Variants in LSAMP observed in about 807,000 individuals in gnomAD.
LSAMP encodes limbic system-associated membrane protein.
In LSAMP, 7 loss-of-function variants were observed where a neutral mutation model predicts 38.6. The ratio of observed to expected loss-of-function variants is 0.18; its 90% CI spans 0.10 to 0.34. The LOEUF is 0.34. Among genes scored for constraint, LSAMP ranks in the 10% least tolerant of loss-of-function variants. The pLI is 1.00. For synonymous variants in LSAMP, 154 were observed against 166.8 expected (o/e 0.92, Z 0.59); for missense variants, 313 against 420.0 (o/e 0.75, Z 2.23).
chr3:116,299,443 C>T lies in LSAMP; in HGVS notation c.155+145434G>A, dbSNP rs60772251. Among the ~76,000 whole-genome samples, 245 of 152,338 alleles carry T rather than the reference C, an allele frequency of 1.6e-3. 1 individual carries two copies. The highest frequency in any genetic ancestry group is 5.6e-3 in the African/African-American group (234 of 41,574). On this transcript the variant is annotated intron_variant, in intron 1 of 6. Coordinates refer to ENST00000490035, the MANE Select transcript of LSAMP (RefSeq NM_002338.5). ...TATCCACTGACTGACTGAGAAAGTA[C>T]ACAATGACAAAAAGTCACTATGCCT...
chr3:115,882,210 A>C (rs1158723691), intron 3 of LSAMP, among the ~76,000 whole-genome samples: 1 of 152,042 alleles, frequency 6.6e-6, no homozygotes, highest in Non-Finnish European at 1.5e-5. Context: ...ACTCCTCAAT[A>C]ACTCACATAC....
chr3:116,434,838 T>C (rs1035104188), intron 1 of LSAMP, among the ~76,000 whole-genome samples: 8 of 152,144 alleles, frequency 5.3e-5, no homozygotes, highest in South Asian at 2.1e-4. Context: ...CGTGAGCCAC[T>C]GCGCTCGGCC....
intron 1 of LSAMP, among the ~76,000 whole-genome samples, chr3:116,322,395 C>A (rs966617819): frequency 4.6e-5 from 7 of 152,154 alleles, no homozygotes; most frequent in Admixed American, 2.6e-4. Flanking sequence ...AGAGACTCAA[C>A]CAGGAACATC....
At chr3:116,247,293 C>T (rs1199885365) in intron 1 of LSAMP, among the ~76,000 whole-genome samples, 1 of 152,176 alleles carries the variant, frequency 6.6e-6, no homozygotes, top group African/African-American at 2.4e-5. Context: ...GAACTCACTA[C>T]TGTACTCTAT....
intron 3 of LSAMP, among the ~76,000 whole-genome samples, chr3:116,015,762 AT>A (rs536507930): frequency 1.4e-4 from 22 of 151,760 alleles, no homozygotes; most frequent in Admixed American, 4.6e-4. Context: ...GCCTTACCCA[AT>A]TTTTTTTAAA....
intron 1 of LSAMP, among the ~76,000 whole-genome samples, chr3:116,332,430 C>T (rs2047863745): frequency 6.6e-6 from 1 of 151,904 alleles, no homozygotes; most frequent in Admixed American, 6.6e-5. Context: ...AATTAGAGTG[C>T]TACAATTTTA....
intron 3 of LSAMP, among the ~76,000 whole-genome samples, chr3:115,936,637 A>G (rs749930764): frequency 6.6e-6 from 1 of 152,196 alleles, no homozygotes; most frequent in Non-Finnish European, 1.5e-5. Context: ...AGAAGTAGCA[A>G]TCTAAAAAAA....
At chr3:116,158,959 T>C (rs1709821187) in intron 1 of LSAMP, among the ~76,000 whole-genome samples, 1 of 151,654 alleles carries the variant, frequency 6.6e-6, no homozygotes, top group Admixed American at 6.6e-5. Context: ...AAAACAAAGC[T>C]GGAGGCATCA....
chr3:115,903,456 T>C (rs1244227494), intron 3 of LSAMP, among the ~76,000 whole-genome samples: 1 of 152,120 alleles, frequency 6.6e-6, no homozygotes. Context: ...TTTACCTATA[T>C]AAAAAACCTG....
chr3:116,245,429 C>T (rs2046592766), intron 1 of LSAMP, among the ~76,000 whole-genome samples: 1 of 152,180 alleles, frequency 6.6e-6, no homozygotes. Context: ...TCTCTATTTT[C>T]TTATTGCCCA....
At chr3:116,259,177 T>C (rs1332450061) in intron 1 of LSAMP, among the ~76,000 whole-genome samples, 2 of 152,156 alleles carry the variant, frequency 1.3e-5, no homozygotes, top group African/African-American at 4.8e-5. Context: ...TTCACAACCA[T>C]ACATTTAGCA....
chr3:115,996,315 A>G (rs1475284415), intron 3 of LSAMP, among the ~76,000 whole-genome samples: 1 of 152,182 alleles, frequency 6.6e-6, no homozygotes, highest in East Asian at 1.9e-4. Context: ...ATGGTAGAAT[A>G]GCATCCAGTT....
Position 115,970,444 on chromosome 3 carries a change from G to A in LSAMP, c.514+49071C>T, listed in dbSNP as rs1032831485. Among the ~76,000 whole-genome samples the A allele has an allele frequency of 2.4e-4, 36 of 152,120 alleles. 1 individual carries two copies. Among genetic ancestry groups the A allele is most frequent in the Non-Finnish European group, 1.5e-5 (1 of 68,026 alleles). On this transcript the variant is annotated intron_variant, in intron 3 of 6. Transcript: ENST00000490035. ...GTGTTTTCCCCTTGGCAGTATGTCTGTACCAATCAGTTTGGCAGGATAATA... is the reference window on the plus strand; with the variant it reads ...GTGTTTTCCCCTTGGCAGTATGTCTATACCAATCAGTTTGGCAGGATAATA...
At chr3:116,407,597 T>C (rs1346990432) in intron 1 of LSAMP, among the ~76,000 whole-genome samples, 1 of 152,134 alleles carries the variant, frequency 6.6e-6, no homozygotes, top group Non-Finnish European at 1.5e-5. Context: ...TGGTGACTTA[T>C]GGAAGCAACC....
intron 3 of LSAMP, among the ~76,000 whole-genome samples, chr3:115,938,014 A>C (rs1396505507): frequency 6.6e-6 from 1 of 152,224 alleles, no homozygotes; most frequent in African/African-American, 2.4e-5. Flanking sequence ...GTTTGAAAGC[A>C]TTCATTAAAG....
intron 1 of LSAMP, among the ~76,000 whole-genome samples, chr3:116,302,119 A>T (rs2047418082): frequency 6.6e-6 from 1 of 152,240 alleles, no homozygotes; most frequent in Admixed American, 6.5e-5. Context: ...GAAGGCACTG[A>T]TAATTGTGAC....
At chr3:116,294,021 T>C (rs2107697188) in intron 1 of LSAMP, among the ~76,000 whole-genome samples, 1 of 152,214 alleles carries the variant, frequency 6.6e-6, no homozygotes, top group South Asian at 2.1e-4. Context: ...GTTGTTTGAT[T>C]CTCTAGCTGA....
chr3:116,318,632 C>A (rs1166824610), intron 1 of LSAMP, among the ~76,000 whole-genome samples: 1 of 152,150 alleles, frequency 6.6e-6, no homozygotes, highest in Non-Finnish European at 1.5e-5. Context: ...GGTAATTAAA[C>A]ATAACGCAGC....
intron 1 of LSAMP, among the ~76,000 whole-genome samples, chr3:116,094,675 C>T (rs1559740347): frequency 6.6e-6 from 1 of 152,216 alleles, no homozygotes; most frequent in Non-Finnish European, 1.5e-5. Context: ...AAATATATTA[C>T]CACATGATTC....
Sources: gnomAD v4.1 joint callset for allele counts (sites outside exome capture counted in the v4.1 genomes callset) on GRCh38, gnomAD v4.1.1 for gene constraint, MANE v1.5 for transcripts, NCBI Gene and HGNC (gene_info 2026-07-23, HGNC 2026-07-21) for gene names.